Variants in SHISA9 observed in about 807,000 individuals in gnomAD.
The protein encoded by SHISA9 is protein shisa-9.
Under a neutral mutation model 38.0 loss-of-function variants are expected in SHISA9, and 13 were observed. That is an observed-to-expected ratio of 0.34 (90% CI 0.22 to 0.54). SHISA9 has a LOEUF of 0.54. Among genes scored for constraint, SHISA9 ranks in the 20% least tolerant of loss-of-function variants. The probability of loss-of-function intolerance (pLI) is 0.91; values close to 1 mark genes in which losing one functional copy is unlikely to be tolerated. For synonymous variants in SHISA9, 275 were observed against 242.0 expected (o/e 1.14, Z -1.27); for missense variants, 538 against 575.8 (o/e 0.93, Z 0.67).
the SHISA9 span, among the ~76,000 whole-genome samples, chr16:13,290,615 T>C: frequency 2.2e-4 from 33 of 151,624 alleles, no homozygotes; most frequent in Non-Finnish European, 3.4e-4. Flanking sequence ...AAGCTGGGAG[T>C]GACAATGTTA....
At chr16:13,547,360 G>A in the SHISA9 span, among the ~76,000 whole-genome samples, 1 of 152,128 alleles carries the variant, frequency 6.6e-6, no homozygotes, top group Non-Finnish European at 1.5e-5. Flanking sequence ...ACTATATAGA[G>A]ATTTGTAAGA....
In SHISA9 at chr16:13,063,539, G is replaced by A. The variant is rs570631705; in HGVS notation, c.692-139855G>A. Among the ~76,000 whole-genome samples, 35 of 152,206 alleles carry A rather than the reference G, an allele frequency of 2.3e-4. 1 individual carries two copies. The highest frequency in any genetic ancestry group is 6.3e-4 in the African/African-American group (26 of 41,552). The stretch of plus-strand genomic sequence containing the variant: ...CTGCCTCCGTGTGTTCTTGTGGGGC[G>A]TCAATGAAATAATGGCGCAGAATGT... On this transcript the variant is annotated intron_variant, in intron 2 of 4. Coordinates refer to ENST00000558583, the MANE Select transcript of SHISA9 (RefSeq NM_001145204.3).
chr16:13,346,254 G>A, the SHISA9 span, among the ~76,000 whole-genome samples: 3 of 152,072 alleles, frequency 2.0e-5, no homozygotes, highest in Admixed American at 1.3e-4. Context: ...TGAAGATAAC[G>A]GCCTTCAGTT....
chr16:13,358,783 T>C, the SHISA9 span, among the ~76,000 whole-genome samples: 1 of 152,190 alleles, frequency 6.6e-6, no homozygotes, highest in Non-Finnish European at 1.5e-5. Flanking sequence ...GCAGCTGTAA[T>C]AACCTTTCTC....
At chr16:12,962,133 C>T (rs1263093538) in intron 2 of SHISA9, among the ~76,000 whole-genome samples, 1 of 152,230 alleles carries the variant, frequency 6.6e-6, no homozygotes, top group African/African-American at 2.4e-5. Context: ...GCACTGCTGT[C>T]CACTGCCTGG....
intron 2 of SHISA9, among the ~76,000 whole-genome samples, chr16:13,052,059 G>A (rs1453746428): frequency 1.3e-5 from 2 of 152,088 alleles, no homozygotes; most frequent in South Asian, 4.1e-4. Flanking sequence ...CACTGCGCCC[G>A]GCCTAGCATT....
At chr16:13,293,318 G>C in the SHISA9 span, among the ~76,000 whole-genome samples, 1 of 152,010 alleles carries the variant, frequency 6.6e-6, no homozygotes, top group Admixed American at 6.6e-5. Context: ...TAAGTGTTTT[G>C]AACTCCATGT....
At chr16:13,230,214 TC>T (rs2051318334) in intron 4 of SHISA9, among the ~76,000 whole-genome samples, 2 of 152,308 alleles carry the variant, frequency 1.3e-5, no homozygotes, top group African/African-American at 4.8e-5. Context: ...TGTTTCTGAT[TC>T]TTCTTCATAT....
the SHISA9 span, among the ~76,000 whole-genome samples, chr16:13,283,470 G>A: frequency 7.2e-5 from 11 of 152,084 alleles, no homozygotes; most frequent in East Asian, 3.9e-4. Context: ...CCTCACAATC[G>A]TAGTGGAAGG....
the SHISA9 span, among the ~76,000 whole-genome samples, chr16:13,429,825 G>A: frequency 4.3e-4 from 65 of 152,272 alleles, no homozygotes; most frequent in East Asian, 9.6e-3. Context: ...GATATTTGCC[G>A]TTTACCAAAG....
chr16:13,047,707 A>G (rs1238034078), intron 2 of SHISA9, among the ~76,000 whole-genome samples: 5 of 152,152 alleles, frequency 3.3e-5, no homozygotes, highest in Non-Finnish European at 7.3e-5. Context: ...GTGTGCCAGG[A>G]TCTGTGCAAG....
chr16:13,024,325 G>T (rs2072894599), intron 2 of SHISA9, among the ~76,000 whole-genome samples: 1 of 152,194 alleles, frequency 6.6e-6, no homozygotes, highest in South Asian at 2.1e-4. Flanking sequence ...GCTCTTCCTG[G>T]GCTTCCAACA....
At chr16:13,413,333 G>C in the SHISA9 span, among the ~76,000 whole-genome samples, 1 of 152,156 alleles carries the variant, frequency 6.6e-6, no homozygotes, top group East Asian at 1.9e-4. Flanking sequence ...TCTTTTGTAA[G>C]ATAAGCAGAT....
intron 2 of SHISA9, among the ~76,000 whole-genome samples, chr16:12,963,715 CA>C (rs1478665938): frequency 1.3e-5 from 2 of 152,128 alleles, no homozygotes; most frequent in Non-Finnish European, 2.9e-5. Flanking sequence ...AGGAAGGTGC[CA>C]GGTGGGATTT....
At chr16:13,536,025 G>T in the SHISA9 span, among the ~76,000 whole-genome samples, 3 of 147,922 alleles carry the variant, frequency 2.0e-5, no homozygotes, top group Admixed American at 6.8e-5. Context: ...TTGAAACGAA[G>T]TCTCACCCTG....
At chr16:13,459,396 C>G in the SHISA9 span, among the ~76,000 whole-genome samples, 3 of 152,106 alleles carry the variant, frequency 2.0e-5, no homozygotes, top group African/African-American at 7.2e-5. Flanking sequence ...TCATCATGCA[C>G]AGGACAAGGG....
chr16:13,361,338 T>G, the SHISA9 span, among the ~76,000 whole-genome samples: 1 of 152,364 alleles, frequency 6.6e-6, no homozygotes, highest in East Asian at 1.9e-4. Flanking sequence ...TCCTTTCAGT[T>G]GCTTAAGCCG....
the SHISA9 span, among the ~76,000 whole-genome samples, chr16:13,477,280 G>T: frequency 6.6e-6 from 1 of 152,204 alleles, no homozygotes; most frequent in Non-Finnish European, 1.5e-5. Flanking sequence ...ACAGGACATT[G>T]TTGGGTCACA....
At chr16:12,971,018 C>G (rs1311488922) in intron 2 of SHISA9, among the ~76,000 whole-genome samples, 1 of 152,072 alleles carries the variant, frequency 6.6e-6, no homozygotes, top group Non-Finnish European at 1.5e-5. Context: ...GAAGAATACA[C>G]TTTGGTAGTG....
Sources: gnomAD v4.1 joint callset for allele counts (sites outside exome capture counted in the v4.1 genomes callset) on GRCh38, gnomAD v4.1.1 for gene constraint, MANE v1.5 for transcripts, NCBI Gene and HGNC (gene_info 2026-07-23, HGNC 2026-07-21) for gene names.